Variants in USH2A observed in about 807,000 individuals in gnomAD.
USH2A encodes Usher syndrome 2A (autosomal recessive, mild).
In USH2A, 443 loss-of-function variants were observed where a neutral mutation model predicts 538.9. The observed-to-expected ratio is 0.82, with a 90% CI of 0.76 to 0.89. The LOEUF (loss-of-function observed/expected upper bound fraction) is 0.89, where lower values mean the gene tolerates loss of function less well. USH2A is among the 40% of genes least tolerant of loss of function. The pLI is 0.00. For synonymous variants in USH2A, 2,413 were observed against 2,273.5 expected (o/e 1.06, Z -1.75); for missense variants, 6,633 against 6,324.8 (o/e 1.05, Z -1.65).
At position 216,422,117 on chromosome 1, in the gene USH2A, C is replaced by T. The variant is rs1342018128; in HGVS notation, c.220G>A (p.Glu74Lys). 1 of 1,613,672 alleles carries T rather than the reference C, an allele frequency of 6.2e-7. No homozygotes were observed. Among genetic ancestry groups the T allele is most frequent in the Non-Finnish European group, 8.5e-7 (1 of 1,179,892 alleles). ...CGCTGGGTACAGAACTGAATACTTT[C>T]AGCAGCAGCAGAGCTGTGACAAAAA... ...STFCHSSAAAESIQFCTQRFC... is the reference protein window; with the variant it reads ...STFCHSSAAAKSIQFCTQRFC... The change falls in exon 2 of 72, where the codon GAA (glutamate) becomes AAA (lysine). Residue 74 changes from glutamate to lysine, a missense_variant. Transcript: ENST00000307340.
At position 215,648,612 on chromosome 1, in the gene USH2A, G is replaced by A. The variant is rs201007697; in HGVS notation, c.14498C>T (p.Ser4833Phe). 1 of 1,614,214 alleles carries A rather than the reference G, an allele frequency of 6.2e-7. No homozygotes were observed. The highest frequency in any genetic ancestry group is 2.2e-5 in the East Asian group (1 of 44,880). Reference protein sequence around the residue: ...RTHPAPPSGLSSPQIGTLASR... With the variant: ...RTHPAPPSGLFSPQIGTLASR... ...GGCCAGCGTCCCGATTTGTGGAGAG[G>A]ACAGTCCTGAGGGTGGGGCAGGATG... The change falls in exon 66 of 72, where the codon TCC (serine) becomes TTC (phenylalanine). Residue 4833 changes from serine (S) to phenylalanine (F), a missense_variant. Physicochemically the swap from Ser to Phe is radical, Grantham distance 155 (BLOSUM62 -2). Coordinates refer to ENST00000307340, the MANE Select transcript of USH2A (RefSeq NM_206933.4).
At chr1:215,890,476 T>A (rs541253286) in intron 40 of USH2A, among the ~76,000 whole-genome samples, 188 of 152,278 alleles carry the variant, frequency 1.2e-3, no homozygotes, top group Non-Finnish European at 2.2e-3. Context: ...TAATCACTTT[T>A]CGAAGCAAAA....
At chr1:216,148,767 C>G (rs954653564) in intron 21 of USH2A, among the ~76,000 whole-genome samples, 10 of 151,418 alleles carry the variant, frequency 6.6e-5, no homozygotes, top group African/African-American at 1.9e-4. Flanking sequence ...ATACCTGCCT[C>G]TACAACCCAT....
intron 47 of USH2A, among the ~76,000 whole-genome samples, chr1:215,834,621 A>T (rs191843214): frequency 6.6e-5 from 10 of 152,256 alleles, no homozygotes; most frequent in African/African-American, 2.2e-4. Flanking sequence ...TCTTCCTGGC[A>T]GCTTTTTGGA....
chr1:215,872,281 G>A (rs1245034398), intron 43 of USH2A, among the ~76,000 whole-genome samples: 1 of 152,146 alleles, frequency 6.6e-6, no homozygotes. Flanking sequence ...AAAATTTTCA[G>A]CTGATGGTAG....
intron 60 of USH2A, among the ~76,000 whole-genome samples, chr1:215,734,233 T>C (rs1660087419): frequency 6.6e-6 from 1 of 152,116 alleles, no homozygotes; most frequent in Non-Finnish European, 1.5e-5. Context: ...AGCACCTACC[T>C]GTGATGTATC....
chr1:216,216,706 C>T (rs2035349067), intron 15 of USH2A, among the ~76,000 whole-genome samples: 1 of 151,912 alleles, frequency 6.6e-6, no homozygotes, highest in African/African-American at 2.4e-5. Flanking sequence ...TGCAGGTGAC[C>T]TTGTGAGGTC....
intron 21 of USH2A, among the ~76,000 whole-genome samples, chr1:216,116,260 T>G (rs1036134271): frequency 2.6e-5 from 4 of 152,086 alleles, no homozygotes; most frequent in African/African-American, 7.2e-5. Context: ...ATACAGATAC[T>G]TCATAAAATT....
At chr1:216,121,935 A>G (rs1185580123) in intron 21 of USH2A, among the ~76,000 whole-genome samples, 2 of 152,220 alleles carry the variant, frequency 1.3e-5, no homozygotes, top group Non-Finnish European at 2.9e-5. Context: ...ATTTGAAATA[A>G]GGCAAGTTTG....
chr1:215,865,126 A>G (rs1028965249), intron 44 of USH2A, among the ~76,000 whole-genome samples: 14 of 152,312 alleles, frequency 9.2e-5, no homozygotes, highest in Admixed American at 3.9e-4. Context: ...TGCAAAAAAT[A>G]GGCCACCTTT....
intron 3 of USH2A, among the ~76,000 whole-genome samples, chr1:216,370,367 GA>G (rs201145043): frequency 0.02 from 3,010 of 147,522 alleles, 77 homozygotes; most frequent in African/African-American, 0.056. Context: ...TCCAAAAAAA[GA>G]AAAAAAAGAA....
At chr1:215,860,449 T>C (rs1194513156) in intron 44 of USH2A, among the ~76,000 whole-genome samples, 1 of 152,150 alleles carries the variant, frequency 6.6e-6, no homozygotes, top group East Asian at 1.9e-4. Flanking sequence ...TTTCATGACA[T>C]GTGAGAATTA....
intron 11 of USH2A, among the ~76,000 whole-genome samples, chr1:216,260,759 A>G (rs2102565618): frequency 6.6e-6 from 1 of 152,284 alleles, no homozygotes; most frequent in South Asian, 2.1e-4. Flanking sequence ...ATTATATTGG[A>G]ACATCAACAA....
chr1:215,729,215 TGAA>T (rs1156330196), intron 60 of USH2A, among the ~76,000 whole-genome samples: 2 of 152,162 alleles, frequency 1.3e-5, no homozygotes, highest in Non-Finnish European at 2.9e-5. Context: ...TACTGGATGA[TGAA>T]GAACTATGAA....
At chr1:215,967,621 G>C (rs1436345704) in intron 36 of USH2A, among the ~76,000 whole-genome samples, 2 of 152,010 alleles carry the variant, frequency 1.3e-5, no homozygotes, top group East Asian at 1.9e-4. Context: ...ATCTCCTAAG[G>C]GGGTATAGGG....
chr1:216,323,753 A>C (rs1343423287), intron 7 of USH2A, 58 bp from the exon 8 acceptor site: 1 of 1,531,690 alleles, frequency 6.5e-7, no homozygotes, highest in African/African-American at 1.4e-5. Flanking sequence ...GGCAAAACAG[A>C]AATCAAAATG....
chr1:216,200,333 T>G (rs938018512), intron 16 of USH2A, among the ~76,000 whole-genome samples: 4 of 152,218 alleles, frequency 2.6e-5, no homozygotes, highest in Admixed American at 2.0e-4. Context: ...TCATTCATAA[T>G]AAAGAATGTT....
At chr1:215,665,329 T>A (rs540804300) in intron 64 of USH2A, among the ~76,000 whole-genome samples, 3 of 152,334 alleles carry the variant, frequency 2.0e-5, no homozygotes, top group African/African-American at 7.2e-5. Context: ...ACTGACCTAC[T>A]GCTTCTCAGT....
intron 19 of USH2A, among the ~76,000 whole-genome samples, chr1:216,192,787 C>A (rs1320024440): frequency 6.6e-6 from 1 of 151,986 alleles, no homozygotes; most frequent in Non-Finnish European, 1.5e-5. Context: ...TTTTAAATAA[C>A]AACAACAATA....
Sources: allele counts gnomAD v4.1 joint callset (sites outside exome capture counted in the v4.1 genomes callset), GRCh38; gene constraint gnomAD v4.1.1; transcripts MANE v1.5; gene names NCBI Gene and HGNC (gene_info 2026-07-23, HGNC 2026-07-21).